The following TBC1D31 variants were observed in gnomAD, a reference collection of about 807,000 sequenced individuals.
The protein encoded by TBC1D31 is TBC1 domain family member 31.
TBC1D31 carries 99 observed loss-of-function variants against 132.9 expected under a neutral mutation model. The observed-to-expected ratio is 0.74, with a 90% CI of 0.63 to 0.88. The LOEUF (loss-of-function observed/expected upper bound fraction) is 0.88, where lower values mean the gene tolerates loss of function less well. Ranked by LOEUF, TBC1D31 falls within the 40% of genes least tolerant of loss-of-function variation. The probability of loss-of-function intolerance (pLI) is 0.00; values close to 1 mark genes in which losing one functional copy is unlikely to be tolerated. For missense variants in TBC1D31, 1,134 were observed against 1,256.6 expected, an observed-to-expected ratio of 0.90 and a Z score of 1.48; for synonymous variants, 385 against 419.4, an observed-to-expected ratio of 0.92 and a Z score of 1.00.
rs772609237 is a variant in TBC1D31, at chr8:123,120,144, A to G, written c.1526A>G (p.Gln509Arg). ...LLAFPFVKLF[Q>R]NNQLICFEVI... ...GCATTTCCATTTGTAAAATTATTCCAGAACAACCAACTCATCTGTTTTGAA... is the reference window on the plus strand; with the variant it reads ...GCATTTCCATTTGTAAAATTATTCCGGAACAACCAACTCATCTGTTTTGAA... The change falls in exon 11 of 22, where the codon CAG becomes CGG. Residue 509 changes from glutamine to arginine, a missense_variant. Physicochemically the swap from Gln to Arg is conservative, Grantham distance 43. Coordinates refer to ENST00000287380, the MANE Select transcript of TBC1D31 (RefSeq NM_145647.4). The G allele has an allele frequency of 6.8e-6, 11 of 1,610,608 alleles. No homozygotes were observed. In the South Asian group the frequency reaches 1.2e-4, roughly 18 times the overall value.
intron 17 of TBC1D31, among the ~76,000 whole-genome samples, chr8:123,135,998 T>C (rs1236308873): frequency 6.6e-6 from 1 of 152,230 alleles, no homozygotes; most frequent in Non-Finnish European, 1.5e-5. Context: ...TCTTTTTCTT[T>C]ACCTATGCAC....
At chr8:123,102,924 C>G (rs910894526) in intron 7 of TBC1D31, 1 of 152,204 alleles carries the variant, frequency 6.6e-6, no homozygotes, top group South Asian at 2.1e-4. Context: ...TGTGGCTTAC[C>G]TTACAGAGAA....
chr8:123,132,358 G>C (rs1357458001), intron 16 of TBC1D31, among the ~76,000 whole-genome samples: 1 of 143,622 alleles, frequency 7.0e-6, no homozygotes, highest in Non-Finnish European at 1.5e-5. Context: ...CACTAATTTA[G>C]AGTTTCAAGC....
intron 16 of TBC1D31, among the ~76,000 whole-genome samples, chr8:123,130,892 G>C (rs1820557009): frequency 6.6e-6 from 1 of 151,454 alleles, no homozygotes; most frequent in Admixed American, 6.6e-5. Flanking sequence ...AAAGTGCTGG[G>C]GTTACAGGCG....
chr8:123,089,283 G>T (rs1308369067), intron 4 of TBC1D31, among the ~76,000 whole-genome samples: 4 of 152,162 alleles, frequency 2.6e-5, no homozygotes, highest in African/African-American at 9.7e-5. Flanking sequence ...ACCTCCCTCA[G>T]GGTTGGTTTC....
intron 20 of TBC1D31, among the ~76,000 whole-genome samples, chr8:123,145,361 G>A (rs1417315910): frequency 1.3e-5 from 2 of 152,242 alleles, no homozygotes; most frequent in African/African-American, 2.4e-5. Context: ...AGTCCCAGTC[G>A]AGGAAAAAGT....
At position 123,137,890 on chromosome 8, in the gene TBC1D31, C is replaced by G. The variant is rs557804772; in HGVS notation, c.2500-2871C>G. On this transcript the variant is annotated intron_variant, in intron 17 of 21. Coordinates refer to ENST00000287380, the MANE Select transcript of TBC1D31 (RefSeq NM_145647.4). Reference sequence around the variant, plus strand: ...ATGTGCAGGTTTTTAATTACTCAGGCCTACTGAGTTAACCCTTTATTGCAC... The same window carrying G: ...ATGTGCAGGTTTTTAATTACTCAGGGCTACTGAGTTAACCCTTTATTGCAC... Among the ~76,000 whole-genome samples, 7 of 152,316 alleles carry G rather than the reference C, an allele frequency of 4.6e-5. No individual in the cohort carries two copies. In the South Asian group the frequency reaches 1.5e-3, roughly 32 times the overall value.
At chr8:123,163,508 G>A in the TBC1D31 span, among the ~76,000 whole-genome samples, 1 of 151,542 alleles carries the variant, frequency 6.6e-6, no homozygotes, top group Admixed American at 6.6e-5. Flanking sequence ...GGGACCACAT[G>A]GGCGTGCCAC....
chr8:123,128,562 A>AT, intron 14 of TBC1D31, 49 bp downstream of exon 14: 1 of 1,248,850 alleles, frequency 8.0e-7, no homozygotes, highest in Non-Finnish European at 1.1e-6. Flanking sequence ...AATATGTTAT[A>AT]AACATAAGAA....
chr8:123,080,494 A>G (rs569216591), intron 2 of TBC1D31, among the ~76,000 whole-genome samples: 23 of 151,458 alleles, frequency 1.5e-4, no homozygotes, highest in African/African-American at 5.3e-4. Flanking sequence ...ACTTTTAGAC[A>G]AGAGCAGAGA....
At chr8:123,077,933 G>A (rs952069446) in intron 2 of TBC1D31, among the ~76,000 whole-genome samples, 3 of 151,884 alleles carry the variant, frequency 2.0e-5, no homozygotes, top group Non-Finnish European at 4.4e-5. Context: ...CTGTAATCCT[G>A]GCTATTTGGG....
At position 123,129,097 on chromosome 8, in the gene TBC1D31, G is replaced by A. The variant is rs760248886; in HGVS notation, c.2149G>A (p.Asp717Asn). The change falls in exon 15 of 22, where the codon GAC (aspartate) becomes AAC (asparagine). Residue 717 changes from aspartate to asparagine, a missense_variant. By Grantham distance (23) the Asp-to-Asn change is conservative (BLOSUM62 1). Transcript: ENST00000287380. ...QTVEDMQAKVDQQRVEDEAWY... is the reference protein window; with the variant it reads ...QTVEDMQAKVNQQRVEDEAWY... ...AGTTGAAGATATGCAAGCTAAAGTCGACCAGCAAAGAGTTGAAGATGAAGC... is the reference window on the plus strand; with the variant it reads ...AGTTGAAGATATGCAAGCTAAAGTCAACCAGCAAAGAGTTGAAGATGAAGC... 10 of 1,604,288 alleles carry A rather than the reference G, an allele frequency of 6.2e-6. No homozygotes were observed. Among genetic ancestry groups the A allele is most frequent in the African/African-American group, 2.7e-5 (2 of 74,626 alleles).
chr8:123,074,277 C>G (rs377326086), intron 1 of TBC1D31, among the ~76,000 whole-genome samples: 1 of 152,200 alleles, frequency 6.6e-6, no homozygotes, highest in African/African-American at 2.4e-5. Context: ...ACCTTGGCCT[C>G]CCGAAGTACT....
chr8:123,152,891 G>A (rs761767856), downstream of TBC1D31, among the ~76,000 whole-genome samples: 4 of 152,036 alleles, frequency 2.6e-5, no homozygotes, highest in African/African-American at 4.8e-5. Flanking sequence ...CAAAGATCAG[G>A]CCTAAAAAGT....
Position 123,151,892 on chromosome 8 carries a change from G to T in TBC1D31, c.3154G>T (p.Ala1052Ser), listed in dbSNP as rs748979023. The T allele has an allele frequency of 2.3e-5, 36 of 1,588,940 alleles. No individual in the cohort carries two copies. Among genetic ancestry groups the T allele is most frequent in the Non-Finnish European group, 3.1e-5 (36 of 1,170,870 alleles). ...GAGAAATCTTCGCCAGAGACTCACT[G>T]CCCGGGCTCGTCACAGATGTCAAAC... ...KVRNLRQRLT[A>S]RARHRCQTPH... Residue 1052 changes from alanine (A) to serine (S), a missense_variant, in exon 22 of 22, where the codon GCC becomes TCC. By Grantham distance (99) the Ala-to-Ser change is moderately conservative. Coordinates refer to ENST00000287380, the MANE Select transcript of TBC1D31 (RefSeq NM_145647.4).
chr8:123,107,339 G>A (rs934620620), intron 8 of TBC1D31, among the ~76,000 whole-genome samples: 4 of 152,086 alleles, frequency 2.6e-5, no homozygotes, highest in East Asian at 1.9e-4. Context: ...TTGGAGCCCC[G>A]TGTGTGCTTA....
At chr8:123,078,157 C>T (rs576981542) in intron 2 of TBC1D31, among the ~76,000 whole-genome samples, 1 of 152,290 alleles carries the variant, frequency 6.6e-6, no homozygotes, top group East Asian at 1.9e-4. Context: ...GGTATTCATG[C>T]AGCGGGGCTA....
chr8:123,088,717 C>G (rs192314192), intron 4 of TBC1D31, among the ~76,000 whole-genome samples: 1 of 152,214 alleles, frequency 6.6e-6, no homozygotes, highest in African/African-American at 2.4e-5. Context: ...ATTGCACATG[C>G]GACCCTTCAG....
intron 1 of TBC1D31, 34 bp from the exon 2 acceptor site, chr8:123,077,077 A>G: frequency 2.6e-6 from 4 of 1,553,494 alleles, no homozygotes; most frequent in Non-Finnish European, 3.5e-6. Context: ...AATACGTGAC[A>G]TAGATTCAAT....
Sources: allele counts gnomAD v4.1 joint callset (sites outside exome capture counted in the v4.1 genomes callset), GRCh38; gene constraint gnomAD v4.1.1; transcripts MANE v1.5; gene names NCBI Gene and HGNC (gene_info 2026-07-23, HGNC 2026-07-21).